The following LRP1B variants were observed in gnomAD, a reference collection of about 807,000 sequenced individuals.
LRP1B encodes the protein LDL receptor related protein 1B.
In LRP1B, 217 loss-of-function variants were observed where a neutral mutation model predicts 556.6. The ratio of observed to expected loss-of-function variants is 0.39; its 90% CI spans 0.35 to 0.44. LRP1B has a LOEUF of 0.44. Ranked by LOEUF, LRP1B falls within the 20% of genes least tolerant of loss-of-function variation. The probability of loss-of-function intolerance (pLI) is 1.00; values close to 1 mark genes in which losing one functional copy is unlikely to be tolerated. For synonymous variants in LRP1B, 2,047 were observed against 1,865.8 expected, an observed-to-expected ratio of 1.10 and a Z score of -2.50; for missense variants, 5,053 against 5,620.8, an observed-to-expected ratio of 0.90 and a Z score of 3.23.
At chr2:141,875,302 A>AGGC (rs1314976252) in intron 1 of LRP1B, among the ~76,000 whole-genome samples, 2 of 151,856 alleles carry the variant, frequency 1.3e-5, no homozygotes, top group Non-Finnish European at 2.9e-5. Context: ...ACCTGTTATC[A>AGGC]GGCCACACAC....
chr2:141,589,707 T>C (rs760085574), intron 2 of LRP1B, among the ~76,000 whole-genome samples: 3 of 152,212 alleles, frequency 2.0e-5, no homozygotes, highest in Non-Finnish European at 4.4e-5. Flanking sequence ...TCGAGTTTTA[T>C]TGTTTAAATC....
intron 43 of LRP1B, among the ~76,000 whole-genome samples, chr2:140,555,383 T>C (rs1041426000): frequency 6.6e-5 from 10 of 152,030 alleles, no homozygotes; most frequent in Admixed American, 2.6e-4. Context: ...TTGAAAAAAA[T>C]ACAGCCTAGG....
chr2:141,024,328 A>G (rs905073601), intron 11 of LRP1B, among the ~76,000 whole-genome samples: 2 of 152,020 alleles, frequency 1.3e-5, no homozygotes, highest in African/African-American at 2.4e-5. Flanking sequence ...GGGTGAATAC[A>G]CAAGCCATTC....
chr2:141,347,573 C>T (rs549415771), intron 3 of LRP1B, among the ~76,000 whole-genome samples: 4 of 151,950 alleles, frequency 2.6e-5, no homozygotes, highest in South Asian at 2.1e-4. Flanking sequence ...AAAGACATAC[C>T]TGCTTGCAGG....
rs551164908 is a variant in LRP1B, at chr2:141,019,980, T to C, written c.1912A>G (p.Thr638Ala). The change falls in exon 12 of 91, where the codon ACT (threonine) becomes GCT (alanine). Residue 638 changes from threonine (T) to alanine (A), a missense_variant. Transcript: ENST00000389484. ...RLEKASQSRK[T>A]LLEGEMSHPR... Reference sequence around the variant, plus strand: ...TGAGACATTTCACCCTCTAAAAGAGTCTTCCGACTCTGAGAAGCTTTTTCC... The same window carrying C: ...TGAGACATTTCACCCTCTAAAAGAGCCTTCCGACTCTGAGAAGCTTTTTCC... 6.8e-6 allele frequency: 11 copies of C among 1,611,506 alleles called. No homozygotes were observed. The highest frequency in any genetic ancestry group is 5.0e-5 in the Admixed American group (3 of 59,830).
chr2:140,514,791 G>GAAA lies in LRP1B; in HGVS notation c.8150-22_8150-20dup. 2.4e-6 allele frequency: 3 copies of GAAA among 1,260,074 alleles called. No individual in the cohort carries two copies. The highest frequency in any genetic ancestry group is 2.2e-6 in the Non-Finnish European group (2 of 919,764). The allele number at this position is 1,260,074 out of a possible 1,614,324, so 78.1% of individuals were successfully genotyped here. A position where few individuals can be genotyped will look rare whatever the true frequency, so the allele number is the denominator to read the frequency against. ...GAAGAATCTAGGAAACAAACAAAAGGAAAAAAAAAAATAGTTTGAGACCGT... is the reference window on the plus strand; with the variant it reads ...GAAGAATCTAGGAAACAAACAAAAGGAAAAAAAAAAAAAATAGTTTGAGACCGT... On this transcript the variant is annotated intron_variant, in intron 50 of 90. Transcript: ENST00000389484.
chr2:140,716,552 A>T, intron 36 of LRP1B, 130 bp downstream of exon 36: 1 of 863,098 alleles, frequency 1.2e-6, no homozygotes, highest in East Asian at 2.8e-5. Flanking sequence ...AGCAAAAGAG[A>T]CTATTTACCC....
chr2:140,433,312 G>A (rs552903148), intron 66 of LRP1B, among the ~76,000 whole-genome samples: 1 of 152,108 alleles, frequency 6.6e-6, no homozygotes, highest in Non-Finnish European at 1.5e-5. Context: ...TGACCAGGCT[G>A]GTCTTGAACT....
Position 141,348,133 on chromosome 2 carries a change from A to G in LRP1B, c.344-93492T>C, listed in dbSNP as rs532036861. Reference sequence around the variant, plus strand: ...TTTGTAAATGCAAATAAAAATTTCAATCTAACATTTATGCACTAACTGCTA... The same window carrying G: ...TTTGTAAATGCAAATAAAAATTTCAGTCTAACATTTATGCACTAACTGCTA... On this transcript the variant is annotated intron_variant, in intron 3 of 90. Coordinates refer to ENST00000389484, the MANE Select transcript of LRP1B (RefSeq NM_018557.3). Among the ~76,000 whole-genome samples, 14 of 152,186 alleles carry G rather than the reference A, an allele frequency of 9.2e-5. No homozygotes were observed. In the East Asian group the frequency reaches 2.5e-3, roughly 27 times the overall value.
chr2:141,112,460 C>T (rs149973075), intron 7 of LRP1B, among the ~76,000 whole-genome samples: 114 of 152,126 alleles, frequency 7.5e-4, no homozygotes, highest in African/African-American at 2.0e-3. Flanking sequence ...TGTTCCTAAA[C>T]GTAAGACCAG....
chr2:141,942,829 G>A (rs1259177637), intron 1 of LRP1B, among the ~76,000 whole-genome samples: 1 of 152,098 alleles, frequency 6.6e-6, no homozygotes, highest in African/African-American at 2.4e-5. Context: ...CTCCTACAGG[G>A]GAATGCCTTG....
chr2:140,538,424 T>C (rs920878915), intron 45 of LRP1B, among the ~76,000 whole-genome samples: 1 of 152,154 alleles, frequency 6.6e-6, no homozygotes, highest in Admixed American at 6.6e-5. Context: ...GCCATCTTTA[T>C]GTCCATGAGC....
In LRP1B at chr2:140,908,365, A is replaced by AAT. The variant is rs71834225; in HGVS notation, c.3320-290_3320-289dup. On this transcript the variant is annotated intron_variant, in intron 21 of 90. Coordinates refer to ENST00000389484, the MANE Select transcript of LRP1B (RefSeq NM_018557.3). ...TATATACATATATTTATATTTATAT[A>AAT]ATATATATATATATATATATATATA... Among the ~76,000 whole-genome samples the AAT allele has an allele frequency of 5.8e-3, 820 of 140,956 alleles. 2 individuals carry two copies. The highest frequency in any genetic ancestry group is 0.015 in the African/African-American group (573 of 37,900). 92.5% of individuals were successfully genotyped at this position (140,956 alleles called of 152,430 possible).
chr2:140,418,946 T>C (rs72898255), intron 66 of LRP1B, among the ~76,000 whole-genome samples: 1,570 of 152,194 alleles, frequency 0.01, 5 homozygotes, highest in Non-Finnish European at 0.016. Flanking sequence ...AGTAACTTCT[T>C]AACACAGATA....
At position 141,665,518 on chromosome 2, in the gene LRP1B, C is replaced by T. The variant is rs559416315; in HGVS notation, c.205+144761G>A. Reference sequence around the variant, plus strand: ...TCAATCATTGTGGAAGACAGTGTGGCGGTTCCCCAAAGACCTGGAACCAGA... The same window carrying T: ...TCAATCATTGTGGAAGACAGTGTGGTGGTTCCCCAAAGACCTGGAACCAGA... On this transcript the variant is annotated intron_variant, in intron 2 of 90. Transcript: ENST00000389484. 1.7e-4 allele frequency among the ~76,000 whole-genome samples: 26 copies of T among 152,230 alleles called. No individual in the cohort carries two copies. In the East Asian group the frequency reaches 3.9e-3, roughly 23 times the overall value.
intron 32 of LRP1B, among the ~76,000 whole-genome samples, chr2:140,781,655 A>G (rs1689702128): frequency 6.6e-6 from 1 of 152,214 alleles, no homozygotes; most frequent in Non-Finnish European, 1.5e-5. Context: ...GAAGACTGCT[A>G]TTAGTGCTAT....
intron 41 of LRP1B, among the ~76,000 whole-genome samples, chr2:140,610,570 C>T (rs1389822800): frequency 6.6e-6 from 1 of 152,142 alleles, no homozygotes; most frequent in East Asian, 1.9e-4. Flanking sequence ...TTCATTTAGG[C>T]TTTCTGTATT....
chr2:141,266,196 C>T (rs1029590312), intron 3 of LRP1B, among the ~76,000 whole-genome samples: 7 of 151,844 alleles, frequency 4.6e-5, no homozygotes, highest in Admixed American at 6.6e-5. Context: ...TGATGGCAGG[C>T]GCCTGTAAAA....
chr2:141,354,790 G>T (rs1688567264), intron 3 of LRP1B, among the ~76,000 whole-genome samples: 1 of 151,250 alleles, frequency 6.6e-6, no homozygotes, highest in Non-Finnish European at 1.5e-5. Flanking sequence ...AAAAAAAACT[G>T]AAAAAAATTT....
Sources: allele counts gnomAD v4.1 joint callset (sites outside exome capture counted in the v4.1 genomes callset), GRCh38; gene constraint gnomAD v4.1.1; transcripts MANE v1.5; gene names NCBI Gene and HGNC (gene_info 2026-07-23, HGNC 2026-07-21).